The following WNK4 variants were observed in gnomAD, a reference collection of about 807,000 sequenced individuals.
WNK4 encodes the protein WNK lysine deficient protein kinase 4.
WNK4 carries 94 observed loss-of-function variants against 116.2 expected under a neutral mutation model. The ratio of observed to expected loss-of-function variants is 0.81; its 90% confidence interval spans 0.68 to 0.96. WNK4 has a LOEUF of 0.96. Ranked by LOEUF, WNK4 falls within the 40% of genes least tolerant of loss-of-function variation. The pLI, the probability that WNK4 is intolerant of heterozygous loss-of-function variation, is 0.00. For synonymous variants in WNK4, 655 were observed against 672.7 expected (o/e 0.97, Z 0.41); for missense variants, 1,542 against 1,650.6 (o/e 0.93, Z 1.14).
intron 10 of WNK4, 122 bp from the exon 11 acceptor site, chr17:42,788,559 G>C: frequency 8.8e-7 from 1 of 1,142,820 alleles, no homozygotes; most frequent in Non-Finnish European, 1.3e-6. Context: ...CCAGACTTTA[G>C]AGGTGGGGTC....
At chr17:42,793,125 A>G (rs988943967) in intron 11 of WNK4, among the ~76,000 whole-genome samples, 10 of 152,154 alleles carry the variant, frequency 6.6e-5, no homozygotes, top group Admixed American at 6.5e-5. Context: ...TCTAGGCTGT[A>G]TTTCTCCTTA....
chr17:42,793,791 C>G (rs779017944), intron 12 of WNK4, 62 bp downstream of exon 12: 26 of 1,606,642 alleles, frequency 1.6e-5, no homozygotes, highest in Admixed American at 3.4e-5. Flanking sequence ...GTTTATTACT[C>G]TCTGCCCTCA....
At chr17:42,783,826 G>A in intron 2 of WNK4, 111 bp from the exon 3 acceptor site, 1 of 1,024,870 alleles carries the variant, frequency 9.8e-7, no homozygotes, top group Non-Finnish European at 1.5e-6. Context: ...AATGCTGGCA[G>A]AAGATGCGGA....
chr17:42,782,793 C>A lies in WNK4; in HGVS notation c.654C>A (p.Phe218Leu). ...TGTCTAGAGCTGAGCGGCAGCGCTTCTCAGAGGAGGTGGAGATGCTCAAGG... is the reference window on the plus strand; with the variant it reads ...TGTCTAGAGCTGAGCGGCAGCGCTTATCAGAGGAGGTGGAGATGCTCAAGG... ...RKLSRAERQRFSEEVEMLKGL... is the reference protein window; with the variant it reads ...RKLSRAERQRLSEEVEMLKGL... Residue 218 changes from phenylalanine (F) to leucine (L), a missense_variant, in exon 2 of 19, where the codon TTC (phenylalanine) becomes TTA (leucine). Physicochemically the swap from Phe to Leu is conservative, Grantham distance 22. This residue lies in a region of WNK4 where 808 missense variants were observed against 873.6 expected (regional missense o/e 0.92). Transcript: ENST00000246914. This position sits in a 1 kb window ranked among gnomAD's most constrained non-coding sequence, Gnocchi z 4.2. 2 of 1,614,206 alleles carry A rather than the reference C, an allele frequency of 1.2e-6. No individual in the cohort carries two copies. Among genetic ancestry groups the A allele is most frequent in the Non-Finnish European group, 1.7e-6 (2 of 1,180,026 alleles).
Position 42,782,877 on chromosome 17 carries a change from C to T in WNK4, c.738C>T (p.Gly246=). 6.2e-7 allele frequency: 1 copy of T among 1,614,178 alleles called. No individual in the cohort carries two copies. Among genetic ancestry groups the T allele is most frequent in the Non-Finnish European group, 8.5e-7 (1 of 1,180,034 alleles). Reference sequence around the variant, plus strand: ...ATTCGTGGAAGTCGGTGCTGAGGGGCCAGGTTTGCATCGTGCTGGTCACCG... The same window carrying T: ...ATTCGTGGAAGTCGGTGCTGAGGGGTCAGGTTTGCATCGTGCTGGTCACCG... ...FYDSWKSVLR[G]QVCIVLVTEL... The change falls in exon 2 of 19, where the codon GGC becomes GGT. Residue 246 remains glycine, a synonymous_variant. Coordinates refer to ENST00000246914, the MANE Select transcript of WNK4 (RefSeq NM_032387.5). The surrounding 1 kb of genome is among the most constrained non-coding windows in gnomAD (Gnocchi z 4.2).
chr17:42,781,891 A>T (rs2054487293), intron 1 of WNK4, among the ~76,000 whole-genome samples: 1 of 152,216 alleles, frequency 6.6e-6, no homozygotes, highest in African/African-American at 2.4e-5. Flanking sequence ...GGAGGGGGAC[A>T]TAGGGAGCTC....
Position 42,784,451 on chromosome 17 carries a change from T to G in WNK4, c.1042T>G (p.Tyr348Asp). 2 of 1,613,450 alleles carry G rather than the reference T, an allele frequency of 1.2e-6. No homozygotes were observed. The highest frequency in any genetic ancestry group is 1.7e-6 in the Non-Finnish European group (2 of 1,179,846). Reference protein sequence around the residue: ...GTPEFMAPEMYEEKYDEAVDV... With the variant: ...GTPEFMAPEMDEEKYDEAVDV... ...CCCGGAATTCATGGCCCCCGAGATG[T>G]ACGAGGAAAAGTACGATGAGGCCGT... is the stretch of plus-strand genomic sequence containing the variant. Residue 348 changes from tyrosine (Y) to aspartate (D), a missense_variant, in exon 4 of 19, where the codon TAC becomes GAC. Tyr to Asp is a radical substitution (Grantham distance 160). This residue lies in a region of WNK4 where 808 missense variants were observed against 873.6 expected (regional missense o/e 0.92). Coordinates refer to ENST00000246914, the MANE Select transcript of WNK4 (RefSeq NM_032387.5). The surrounding 1 kb of genome is among the most constrained non-coding windows in gnomAD (Gnocchi z 4.4).
chr17:42,785,298 T>C lies in WNK4; in HGVS notation c.1292T>C (p.Phe431Ser). The C allele has an allele frequency of 6.2e-7, 1 of 1,611,954 alleles. No individual in the cohort carries two copies. The highest frequency in any genetic ancestry group is 8.5e-7 in the Non-Finnish European group (1 of 1,179,188). Residue 431 changes from phenylalanine (F) to serine (S), a missense_variant, in exon 6 of 19, where the codon TTC becomes TCC. By Grantham distance (155) the Phe-to-Ser change is radical. Around this residue, in one of 7 missense-constraint regions of WNK4, gnomAD observed 808 missense variants for 873.6 expected, o/e 0.92. Transcript: ENST00000246914. ...ATCCAGGACCTCCTGGCCCACGCCTTCTTCCGCGAGGAGCGCGGTGTGCAC... is the reference window on the plus strand; with the variant it reads ...ATCCAGGACCTCCTGGCCCACGCCTCCTTCCGCGAGGAGCGCGGTGTGCAC... ...FTIQDLLAHA[F>S]FREERGVHVE...
At position 42,784,735 on chromosome 17, in the gene WNK4, C is replaced by T. The variant is rs2054524686; in HGVS notation, c.1170+156C>T. 6.6e-6 allele frequency among the ~76,000 whole-genome samples: 1 copy of T among 152,108 alleles called. No individual in the cohort carries two copies. The highest frequency in any genetic ancestry group is 2.1e-4 in the South Asian group (1 of 4,828). ...CAGAAGGATATTGAGTGCACACGCG[C>T]CCCCACCAGTACACGCTATTTAGAA... is the stretch of plus-strand genomic sequence containing the variant. On this transcript the variant is annotated intron_variant, in intron 4 of 18. Transcript: ENST00000246914. This position sits in a 1 kb window ranked among gnomAD's most constrained non-coding sequence, Gnocchi z 4.4.
rs57705018 is a variant in WNK4 at position 42,793,511 on chromosome 17, G to A, written c.2158-81G>A. The A allele has an allele frequency of 1.0e-5, 16 of 1,590,240 alleles. No homozygotes were observed. In the South Asian group the frequency reaches 1.8e-4, roughly 18 times the overall value. ...AGGCGTGAGCCACCGCGCCCAGCCT[G>A]ATGTTTTAAGATCAGAAGCAGGGGG... is the stretch of plus-strand genomic sequence containing the variant. On this transcript the variant is annotated intron_variant, in intron 11 of 18. Coordinates refer to ENST00000246914, the MANE Select transcript of WNK4 (RefSeq NM_032387.5).
rs768456500 is a variant in WNK4, at chr17:42,782,832, C to T, written c.693C>T (p.Pro231=). 6.2e-7 allele frequency: 1 copy of T among 1,614,188 alleles called. No homozygotes were observed. Among genetic ancestry groups the T allele is most frequent in the Non-Finnish European group, 8.5e-7 (1 of 1,180,042 alleles). Residue 231 remains proline (P), a synonymous_variant, in exon 2 of 19, where the codon CCC becomes CCT. Transcript: ENST00000246914. This position sits in a 1 kb window ranked among gnomAD's most constrained non-coding sequence, Gnocchi z 4.2. Reference sequence around the variant, plus strand: ...AGATGCTCAAGGGGCTGCAGCACCCCAACATCGTCCGCTTCTATGATTCGT... The same window carrying T: ...AGATGCTCAAGGGGCTGCAGCACCCTAACATCGTCCGCTTCTATGATTCGT... The part of the protein sequence containing the change: ...EVEMLKGLQH[P]NIVRFYDSWK...
At chr17:42,783,257 C>T (rs1270613220) in intron 2 of WNK4, among the ~76,000 whole-genome samples, 3 of 152,172 alleles carry the variant, frequency 2.0e-5, no homozygotes, top group Admixed American at 6.5e-5. Context: ...TGATCTGGAG[C>T]CCTGCAGCAG....
chr17:42,787,100 G>C (rs955768814), intron 6 of WNK4, among the ~76,000 whole-genome samples, 178 bp from the exon 7 acceptor site: 1 of 152,218 alleles, frequency 6.6e-6, no homozygotes, highest in Non-Finnish European at 1.5e-5. Context: ...TATCCCACAA[G>C]GTTGTTTGGA....
chr17:42,796,980 T>C lies in WNK4; in HGVS notation c.*292T>C. ...AATCCCACCCAAGCCTGGATGCTTC[T>C]AGAGGGGCCCACTCCCAGCTGGGAG... On this transcript the variant is annotated 3_prime_UTR_variant, in exon 19 of 19. Coordinates refer to ENST00000246914, the MANE Select transcript of WNK4 (RefSeq NM_032387.5). The C allele has an allele frequency of 1.8e-6, 1 of 558,954 alleles. No individual in the cohort carries two copies. Among genetic ancestry groups the C allele is most frequent in the Non-Finnish European group, 3.2e-6 (1 of 314,582 alleles). The allele number at this position is 558,954 out of a possible 1,614,324, so 34.6% of individuals were successfully genotyped here.
In WNK4 at chr17:42,782,508, A is replaced by G. The variant is rs2054495650; in HGVS notation, c.619-250A>G. Among the ~76,000 whole-genome samples, 1 of 152,206 alleles carries G rather than the reference A, an allele frequency of 6.6e-6. No homozygotes were observed. The highest frequency in any genetic ancestry group is 1.5e-5 in the Non-Finnish European group (1 of 68,026). On this transcript the variant is annotated intron_variant, in intron 1 of 18. Coordinates refer to ENST00000246914, the MANE Select transcript of WNK4 (RefSeq NM_032387.5). The surrounding 1 kb of genome is among the most constrained non-coding windows in gnomAD (Gnocchi z 4.2). ...CAGGGCTCTGGGACCGGGCTGCATA[A>G]AGGTGCTTGTGTCCAGCAGGGGGTC...
chr17:42,796,930 C>A lies in WNK4; in HGVS notation c.*242C>A. 2.7e-6 allele frequency: 2 copies of A among 743,988 alleles called. No homozygotes were observed. Among genetic ancestry groups the A allele is most frequent in the Non-Finnish European group, 2.1e-6 (1 of 469,718 alleles). The allele number at this position is 743,988 out of a possible 1,614,324, so 46.1% of individuals were successfully genotyped here. ...CTACCATCTTCATCTCTAGCACCTCCCCTGCCAAGAGTCAACCACTAAGCA... is the reference window on the plus strand; with the variant it reads ...CTACCATCTTCATCTCTAGCACCTCACCTGCCAAGAGTCAACCACTAAGCA... On this transcript the variant is annotated 3_prime_UTR_variant, in exon 19 of 19. Coordinates refer to ENST00000246914, the MANE Select transcript of WNK4 (RefSeq NM_032387.5).
At chr17:42,793,502 G>C in intron 11 of WNK4, 90 bp from the exon 12 acceptor site, 1 of 1,572,158 alleles carries the variant, frequency 6.4e-7, no homozygotes, top group South Asian at 1.1e-5. Context: ...GAGCCACCGC[G>C]CCCAGCCTGA....
chr17:42,783,194 C>T (rs2054503754), intron 2 of WNK4, among the ~76,000 whole-genome samples: 1 of 152,132 alleles, frequency 6.6e-6, no homozygotes, highest in Non-Finnish European at 1.5e-5. Flanking sequence ...CTTAACCTCT[C>T]CCCACCTGGC....
In WNK4 at chr17:42,796,821, G is replaced by A. The variant is rs762371740; in HGVS notation, c.*133G>A. ...AACACTGAAGGGGTAGAAGGCCAGGGGGGCATGGAGAGTGCAGCTCCATTA... is the reference window on the plus strand; with the variant it reads ...AACACTGAAGGGGTAGAAGGCCAGGAGGGCATGGAGAGTGCAGCTCCATTA... On this transcript the variant is annotated 3_prime_UTR_variant, in exon 19 of 19. Transcript: ENST00000246914. 1 of 1,584,968 alleles carries A rather than the reference G, an allele frequency of 6.3e-7. No individual in the cohort carries two copies.
Sources: allele counts gnomAD v4.1 joint callset (sites outside exome capture counted in the v4.1 genomes callset), GRCh38; gene constraint gnomAD v4.1.1; regional missense constraint gnomAD v4.1.1; non-coding constraint Gnocchi (gnomAD v3.1); transcripts MANE v1.5; gene names NCBI Gene and HGNC (gene_info 2026-07-23, HGNC 2026-07-21).